ADGRB3: variants seen among roughly 807,000 people sequenced by gnomAD.
ADGRB3 encodes the protein brain-specific angiogenesis inhibitor 3.
In ADGRB3, 37 loss-of-function variants were observed where a neutral mutation model predicts 193.4. The observed-to-expected ratio is 0.19, with a 90% CI of 0.15 to 0.25. The LOEUF is 0.25. Ranked by LOEUF, ADGRB3 falls within the 10% of genes least tolerant of loss-of-function variation. ADGRB3 has a pLI of 1.00. For missense variants in ADGRB3, 1,637 were observed against 1,852.9 expected, an observed-to-expected ratio of 0.88 and a Z score of 2.14; for synonymous variants, 690 against 644.2, an observed-to-expected ratio of 1.07 and a Z score of -1.08.
chr6:68,956,257 A>G, intron 7 of ADGRB3, 69 bp downstream of exon 7: 2 of 1,462,218 alleles, frequency 1.4e-6, no homozygotes, highest in Non-Finnish European at 1.8e-6. Flanking sequence ...AATGTGTCAG[A>G]ACTATGCCAG....
intron 17 of ADGRB3, among the ~76,000 whole-genome samples, chr6:69,145,120 C>T (rs1041677281): frequency 8.5e-5 from 13 of 152,148 alleles, no homozygotes; most frequent in African/African-American, 1.7e-4. Context: ...GTTTTGCTTG[C>T]GCCCACTGGG....
chr6:68,985,564 T>G (rs1769047034), intron 10 of ADGRB3, among the ~76,000 whole-genome samples: 1 of 152,156 alleles, frequency 6.6e-6, no homozygotes, highest in Non-Finnish European at 1.5e-5. Flanking sequence ...CAATTGGTTG[T>G]GCATGGAGGT....
At chr6:68,704,587 C>T (rs1449205768) in intron 3 of ADGRB3, among the ~76,000 whole-genome samples, 1 of 152,058 alleles carries the variant, frequency 6.6e-6, no homozygotes, top group Non-Finnish European at 1.5e-5. Context: ...TTAAGAGGAG[C>T]CTACATAAAT....
intron 3 of ADGRB3, among the ~76,000 whole-genome samples, chr6:68,875,205 G>T (rs949583297): frequency 2.5e-5 from 1 of 39,292 alleles, no homozygotes. Flanking sequence ...TCCTTCCCCC[G>T]GCCCCTCTCC....
At chr6:69,088,671 G>C (rs1365400245) in intron 17 of ADGRB3, among the ~76,000 whole-genome samples, 1 of 152,184 alleles carries the variant, frequency 6.6e-6, no homozygotes, top group East Asian at 1.9e-4. Context: ...ACTGTGCCCG[G>C]CCAATCTTAT....
intron 17 of ADGRB3, among the ~76,000 whole-genome samples, chr6:69,103,515 A>G (rs1324215485): frequency 1.3e-5 from 2 of 152,064 alleles, no homozygotes; most frequent in Non-Finnish European, 2.9e-5. Flanking sequence ...AAGAAGTCTC[A>G]TTTGCCAGTG....
intron 3 of ADGRB3, among the ~76,000 whole-genome samples, chr6:68,699,817 G>C (rs959863567): frequency 6.6e-6 from 1 of 151,598 alleles, no homozygotes; most frequent in Admixed American, 6.6e-5. Flanking sequence ...AGCAGTAGGT[G>C]GGGGGCATGG....
intron 11 of ADGRB3, among the ~76,000 whole-genome samples, chr6:69,006,501 C>CT (rs869192266): frequency 2.5e-3 from 351 of 142,610 alleles, no homozygotes; most frequent in Non-Finnish European, 3.0e-3. Context: ...AGTGGAGAGT[C>CT]TTTTTTTTTT....
chr6:69,279,792 T>C (rs1271193285), intron 20 of ADGRB3, among the ~76,000 whole-genome samples: 1 of 152,050 alleles, frequency 6.6e-6, no homozygotes, highest in Non-Finnish European at 1.5e-5. Context: ...AGGAGGGAGA[T>C]ACTGGGAGGA....
At chr6:69,256,032 T>A (rs1038747284) in intron 20 of ADGRB3, among the ~76,000 whole-genome samples, 1 of 152,168 alleles carries the variant, frequency 6.6e-6, no homozygotes, top group Non-Finnish European at 1.5e-5. Flanking sequence ...GCATTATTTC[T>A]GAGGGCTCTG....
chr6:68,908,548 A>G (rs999884994), intron 3 of ADGRB3, among the ~76,000 whole-genome samples: 3 of 152,010 alleles, frequency 2.0e-5, no homozygotes, highest in Non-Finnish European at 4.4e-5. Flanking sequence ...ACCCTATCCA[A>G]CCTCACCCAA....
chr6:69,201,981 A>G (rs572300433), intron 17 of ADGRB3, among the ~76,000 whole-genome samples: 5 of 152,100 alleles, frequency 3.3e-5, no homozygotes, highest in African/African-American at 7.2e-5. Context: ...GCTCTTCTCT[A>G]TAGCTCTTTG....
chr6:68,715,500 A>G (rs966046641), intron 3 of ADGRB3, among the ~76,000 whole-genome samples: 3 of 151,778 alleles, frequency 2.0e-5, no homozygotes, highest in Non-Finnish European at 4.4e-5. Flanking sequence ...TGCCATAGTC[A>G]TGTGTACCAA....
In ADGRB3 at chr6:68,983,984, G is replaced by A. The variant is rs115395065; in HGVS notation, c.1734+8644G>A. The stretch of plus-strand genomic sequence containing the variant: ...GAAATGACAGCACATTCCATGTAGC[G>A]AAAATAACATATGGAAATACCTTGA... On this transcript the variant is annotated intron_variant, in intron 10 of 31. Transcript: ENST00000370598. Among the ~76,000 whole-genome samples, 595 of 152,222 alleles carry A rather than the reference G, an allele frequency of 3.9e-3. 3 individuals carry two copies. The highest frequency in any genetic ancestry group is 0.013 in the African/African-American group (554 of 41,540).
intron 20 of ADGRB3, among the ~76,000 whole-genome samples, chr6:69,253,569 A>G (rs940111346): frequency 2.6e-5 from 4 of 152,068 alleles, no homozygotes; most frequent in African/African-American, 9.7e-5. Flanking sequence ...GGACTCTTAT[A>G]TAATGCTCAT....
chr6:68,954,137 A>G (rs188512096), intron 6 of ADGRB3, among the ~76,000 whole-genome samples: 37 of 152,292 alleles, frequency 2.4e-4, no homozygotes, highest in Non-Finnish European at 4.7e-4. Flanking sequence ...GTCTATTATA[A>G]TTACATCCCC....
intron 3 of ADGRB3, among the ~76,000 whole-genome samples, chr6:68,871,342 G>C (rs1449392445): frequency 6.6e-6 from 1 of 152,076 alleles, no homozygotes; most frequent in East Asian, 1.9e-4. Flanking sequence ...GGGGAAATAG[G>C]GGTAAAGTGT....
At chr6:69,372,524 G>A in intron 30 of ADGRB3, 83 bp downstream of exon 30, 1 of 664,492 alleles carries the variant, frequency 1.5e-6, no homozygotes, top group Non-Finnish European at 2.3e-6. Flanking sequence ...ATTACTCTAT[G>A]CAGCCATGTA....
chr6:69,080,930 A>T (rs1447373118), intron 17 of ADGRB3, among the ~76,000 whole-genome samples: 1 of 152,016 alleles, frequency 6.6e-6, no homozygotes, highest in African/African-American at 2.4e-5. Context: ...TAACATTGTT[A>T]TGTGCAGTCT....
Sources: gnomAD v4.1 joint callset for allele counts (sites outside exome capture counted in the v4.1 genomes callset) on GRCh38, gnomAD v4.1.1 for gene constraint, MANE v1.5 for transcripts, NCBI Gene and HGNC (gene_info 2026-07-23, HGNC 2026-07-21) for gene names.